DENND4A: variants seen among roughly 807,000 people sequenced by gnomAD.
The protein encoded by DENND4A is C-myc promoter-binding protein.
DENND4A carries 70 observed loss-of-function variants against 199.3 expected under a neutral mutation model. The ratio of observed to expected loss-of-function variants is 0.35; its 90% CI spans 0.29 to 0.43. The LOEUF (loss-of-function observed/expected upper bound fraction) is 0.43. Among genes scored for constraint, DENND4A ranks in the 20% least tolerant of loss-of-function variants. The pLI is 1.00. For synonymous variants in DENND4A, 686 were observed against 766.9 expected, an observed-to-expected ratio of 0.89 and a Z score of 1.74; for missense variants, 1,723 against 2,255.8, an observed-to-expected ratio of 0.76 and a Z score of 4.78.
In DENND4A at chr15:65,789,160, C is replaced by T. The variant is rs140466313; in HGVS notation, c.-102+2850G>A. On this transcript the variant is annotated intron_variant, in intron 1 of 32. Coordinates refer to ENST00000443035, the MANE Select transcript of DENND4A (RefSeq NM_001320835.1). Reference sequence around the variant, plus strand: ...AATGCATTTGACTATTAAAATTGTTCCACTCTTATAAAATGCTAAGTTTTA... The same window carrying T: ...AATGCATTTGACTATTAAAATTGTTTCACTCTTATAAAATGCTAAGTTTTA... Among the ~76,000 whole-genome samples, 1,006 of 152,078 alleles carry T rather than the reference C, an allele frequency of 6.6e-3. 11 individuals are homozygous for T. Among genetic ancestry groups the T allele is most frequent in the African/African-American group, 0.023 (966 of 41,480 alleles).
chr15:65,726,643 T>C (rs898422245), intron 11 of DENND4A, among the ~76,000 whole-genome samples: 1 of 152,236 alleles, frequency 6.6e-6, no homozygotes, highest in Non-Finnish European at 1.5e-5. Context: ...GGTTGTGACA[T>C]GTGACAAGAC....
intron 23 of DENND4A, among the ~76,000 whole-genome samples, chr15:65,677,655 T>C (rs766456780): frequency 3.3e-5 from 5 of 152,228 alleles, no homozygotes; most frequent in Non-Finnish European, 7.3e-5. Context: ...CTAGGATTAT[T>C]ATTTTTTTTG....
intron 4 of DENND4A, among the ~76,000 whole-genome samples, chr15:65,747,977 TTGCAGTGAGCTGAGATGGCACCAC>T (rs1163165482): frequency 1.5e-5 from 2 of 135,542 alleles, no homozygotes; most frequent in Non-Finnish European, 3.0e-5. Context: ...GAGGTGGAGG[TTGCAGTGAGCTGAGATGGCACCAC>T]TGCACTCCAG....
At chr15:65,740,413 C>T (rs1053917333) in intron 5 of DENND4A, among the ~76,000 whole-genome samples, 1 of 147,660 alleles carries the variant, frequency 6.8e-6, no homozygotes, top group Non-Finnish European at 1.5e-5. Context: ...AGTTCAAGAG[C>T]AACCTGGGCA....
intron 4 of DENND4A, among the ~76,000 whole-genome samples, chr15:65,743,308 G>A (rs756689514): frequency 6.6e-6 from 1 of 152,100 alleles, no homozygotes; most frequent in Non-Finnish European, 1.5e-5. Context: ...AATTTATTCT[G>A]CTTTAAGACA....
intron 23 of DENND4A, among the ~76,000 whole-genome samples, chr15:65,683,514 T>C (rs900152589): frequency 2.0e-5 from 3 of 152,200 alleles, no homozygotes; most frequent in Admixed American, 6.5e-5. Flanking sequence ...CTTAAAGCTA[T>C]GAGTTAACCT....
intron 23 of DENND4A, among the ~76,000 whole-genome samples, chr15:65,678,772 C>T (rs184312471): frequency 7.9e-4 from 120 of 152,280 alleles, no homozygotes; most frequent in African/African-American, 2.8e-3. Context: ...TCATAGCAGC[C>T]TCGACTCCTC....
At chr15:65,760,254 TG>T (rs2076817986) in intron 2 of DENND4A, among the ~76,000 whole-genome samples, 1 of 152,178 alleles carries the variant, frequency 6.6e-6, no homozygotes, top group African/African-American at 2.4e-5. Flanking sequence ...CCCAGCACTT[TG>T]GAAGGCCAAG....
intron 23 of DENND4A, among the ~76,000 whole-genome samples, chr15:65,685,130 A>C (rs75695070): frequency 6.8e-6 from 1 of 146,520 alleles, no homozygotes; most frequent in African/African-American, 2.5e-5. Flanking sequence ...CCCCGCCCAC[A>C]ATTTTTTTTT....
chr15:65,774,153 C>T (rs745680249), intron 1 of DENND4A, among the ~76,000 whole-genome samples: 10 of 151,092 alleles, frequency 6.6e-5, no homozygotes, highest in Non-Finnish European at 1.3e-4. Context: ...GTCACGAGTT[C>T]GAGACCAGCT....
chr15:65,692,327 C>T (rs1170703551), intron 22 of DENND4A, among the ~76,000 whole-genome samples: 1 of 152,116 alleles, frequency 6.6e-6, no homozygotes, highest in East Asian at 1.9e-4. Flanking sequence ...TTTGGAAATA[C>T]TGTTCACTGT....
chr15:65,723,754 CAAT>C lies in DENND4A; in HGVS notation c.1488-809_1488-807del, dbSNP rs1357250944. Among the ~76,000 whole-genome samples, 15 of 152,162 alleles carry C rather than the reference CAAT, an allele frequency of 9.9e-5. 1 individual carries two copies. The highest frequency in any genetic ancestry group is 8.5e-4 in the Admixed American group (13 of 15,278). On this transcript the variant is annotated intron_variant, in intron 11 of 32. Coordinates refer to ENST00000443035, the MANE Select transcript of DENND4A (RefSeq NM_001320835.1). ...AATTTATAATAAAATAGAATTATAA[CAAT>C]ATACTTTAATAAACGTTATGTGAAC...
intron 22 of DENND4A, among the ~76,000 whole-genome samples, chr15:65,693,891 AG>A: frequency 6.6e-6 from 1 of 152,216 alleles, no homozygotes; most frequent in East Asian, 1.9e-4. Flanking sequence ...ATATACCCCC[AG>A]TAGCACCTGA....
At chr15:65,715,382 A>C in intron 14 of DENND4A, 96 bp downstream of exon 14, 1 of 1,202,410 alleles carries the variant, frequency 8.3e-7, no homozygotes, top group Non-Finnish European at 1.1e-6. Flanking sequence ...AATTAATTTC[A>C]ATTTCATTAA....
At chr15:65,768,318 G>GT (rs965229249) in intron 1 of DENND4A, among the ~76,000 whole-genome samples, 26 of 151,740 alleles carry the variant, frequency 1.7e-4, no homozygotes, top group Non-Finnish European at 3.4e-4. Flanking sequence ...CACCTAGCCT[G>GT]TTTTTTTCGT....
chr15:65,709,719 A>AAAAAAATATATATATATATATAT (rs1218030026), intron 14 of DENND4A, among the ~76,000 whole-genome samples: 1 of 51,470 alleles, frequency 1.9e-5, no homozygotes, highest in African/African-American at 1.0e-4. Context: ...AAAAAAAAAA[A>AAAAAAATATATATATATATATAT]ATATATATAT....
At chr15:65,675,175 CTT>C (rs2141924292) in intron 24 of DENND4A, among the ~76,000 whole-genome samples, 1 of 152,238 alleles carries the variant, frequency 6.6e-6, no homozygotes, top group South Asian at 2.1e-4. Flanking sequence ...CTAAGAGTGT[CTT>C]TTACATTTAA....
chr15:65,784,105 C>CA (rs544357063), intron 1 of DENND4A, among the ~76,000 whole-genome samples: 139 of 152,220 alleles, frequency 9.1e-4, no homozygotes, highest in African/African-American at 3.3e-3. Flanking sequence ...TCTCCTCCCC[C>CA]AAACCCATAA....
At chr15:65,693,186 G>A (rs2077032464) in intron 22 of DENND4A, among the ~76,000 whole-genome samples, 2 of 152,272 alleles carry the variant, frequency 1.3e-5, no homozygotes, top group South Asian at 4.1e-4. Context: ...CTTGGGCTAG[G>A]TGGCTCTATG....
Sources: allele counts gnomAD v4.1 joint callset (sites outside exome capture counted in the v4.1 genomes callset), GRCh38; gene constraint gnomAD v4.1.1; transcripts MANE v1.5; gene names NCBI Gene and HGNC (gene_info 2026-07-23, HGNC 2026-07-21).